SGCZ: variants seen among roughly 807,000 people sequenced by gnomAD.
SGCZ encodes sarcoglycan zeta.
In SGCZ, 40 loss-of-function variants were observed where a neutral mutation model predicts 41.3. That is an observed-to-expected ratio of 0.97 (90% CI 0.75 to 1.26). The LOEUF is 1.26. Ranked by LOEUF, SGCZ falls within the 50% of genes most tolerant of loss-of-function variation. SGCZ has a pLI of 0.00. For missense variants in SGCZ, 552 were observed against 369.8 expected, an observed-to-expected ratio of 1.49 and a Z score of -4.04; for synonymous variants, 206 against 137.5, an observed-to-expected ratio of 1.50 and a Z score of -3.49.
chr8:14,915,435 T>C (rs1470579040), intron 1 of SGCZ, among the ~76,000 whole-genome samples: 1 of 152,114 alleles, frequency 6.6e-6, no homozygotes, highest in Non-Finnish European at 1.5e-5. Flanking sequence ...AATGAGCAGC[T>C]TGTAAAATCA....
chr8:14,911,900 T>C (rs1422938065), intron 1 of SGCZ, among the ~76,000 whole-genome samples: 2 of 151,964 alleles, frequency 1.3e-5, no homozygotes, highest in African/African-American at 4.8e-5. Flanking sequence ...AGTAATATTT[T>C]ATCTCTATAC....
chr8:14,361,239 G>C (rs1438486871), intron 2 of SGCZ, among the ~76,000 whole-genome samples: 1 of 152,166 alleles, frequency 6.6e-6, no homozygotes, highest in East Asian at 1.9e-4. Flanking sequence ...AGCCTTGCTA[G>C]GTTGGTAAAG....
chr8:14,418,873 T>C (rs1279682876), intron 2 of SGCZ, among the ~76,000 whole-genome samples: 1 of 151,964 alleles, frequency 6.6e-6, no homozygotes, highest in African/African-American at 2.4e-5. Flanking sequence ...AACCCCCACA[T>C]TTTATTTTGA....
At position 14,094,409 on chromosome 8, in the gene SGCZ, A is replaced by G. The variant is rs547885824; in HGVS notation, c.745-3772T>C. On this transcript the variant is annotated intron_variant, in intron 7 of 7. Coordinates refer to ENST00000382080, the MANE Select transcript of SGCZ (RefSeq NM_139167.4). ...GTGTTTGGTTTTCTGTTCTTGTGTT[A>G]GTTTGCTGAGAATGATGGTTTCCAG... Among the ~76,000 whole-genome samples, 45 of 151,994 alleles carry G rather than the reference A, an allele frequency of 3.0e-4. 1 individual carries two copies. The highest frequency in any genetic ancestry group is 1.1e-3 in the African/African-American group (44 of 41,472).
At chr8:14,412,144 A>C (rs1799377606) in intron 2 of SGCZ, among the ~76,000 whole-genome samples, 1 of 152,102 alleles carries the variant, frequency 6.6e-6, no homozygotes, top group African/African-American at 2.4e-5. Context: ...TCTAATTGAC[A>C]ATGAGAAATA....
rs143713422 is a variant in SGCZ at position 14,652,217 on chromosome 8, T to G, written c.40-97291A>C. Among the ~76,000 whole-genome samples, 193 of 151,340 alleles carry G rather than the reference T, an allele frequency of 1.3e-3. 2 individuals are homozygous for G. Among genetic ancestry groups the G allele is most frequent in the African/African-American group, 4.5e-3 (184 of 41,216 alleles). Reference sequence around the variant, plus strand: ...TTAGCTGGGCGTGGTGGCGAATGCATGTAATCCCAGCTACTCAGGAGGCTG... The same window carrying G: ...TTAGCTGGGCGTGGTGGCGAATGCAGGTAATCCCAGCTACTCAGGAGGCTG... On this transcript the variant is annotated intron_variant, in intron 1 of 7. Transcript: ENST00000382080.
intron 1 of SGCZ, among the ~76,000 whole-genome samples, chr8:14,719,528 T>C (rs1044433481): frequency 1.3e-5 from 2 of 152,000 alleles, no homozygotes; most frequent in Admixed American, 6.6e-5. Context: ...GTTTCCTGAC[T>C]TTTTAATGAT....
At chr8:14,468,318 C>G (rs946296152) in intron 2 of SGCZ, among the ~76,000 whole-genome samples, 1 of 152,016 alleles carries the variant, frequency 6.6e-6, no homozygotes, top group African/African-American at 2.4e-5. Flanking sequence ...ATGAAAATGA[C>G]TACCCTTATC....
At chr8:14,417,225 C>T (rs1255774269) in intron 2 of SGCZ, among the ~76,000 whole-genome samples, 2 of 151,900 alleles carry the variant, frequency 1.3e-5, no homozygotes, top group African/African-American at 4.8e-5. Flanking sequence ...CGATCTTCAA[C>T]TCAGTTCGTA....
At chr8:14,824,878 A>G (rs564614177) in intron 1 of SGCZ, among the ~76,000 whole-genome samples, 1 of 152,134 alleles carries the variant, frequency 6.6e-6, no homozygotes, top group Admixed American at 6.5e-5. Context: ...TTTGTTTTCA[A>G]CTGTGATTTA....
intron 4 of SGCZ, among the ~76,000 whole-genome samples, chr8:14,234,698 G>A (rs1489378022): frequency 1.3e-5 from 2 of 151,758 alleles, no homozygotes; most frequent in Admixed American, 1.3e-4. Flanking sequence ...AGACAAGGAG[G>A]GTTAGAACAG....
intron 3 of SGCZ, among the ~76,000 whole-genome samples, chr8:14,308,300 G>A (rs1368015281): frequency 5.3e-5 from 8 of 152,040 alleles, no homozygotes; most frequent in Non-Finnish European, 1.2e-4. Context: ...ATAAGTGATA[G>A]GCCTTATTGT....
intron 2 of SGCZ, among the ~76,000 whole-genome samples, chr8:14,455,972 T>C (rs1352530057): frequency 6.6e-6 from 1 of 152,210 alleles, no homozygotes; most frequent in Non-Finnish European, 1.5e-5. Context: ...TGTAGTTACC[T>C]ACAGTTGGAG....
intron 4 of SGCZ, among the ~76,000 whole-genome samples, chr8:14,229,602 C>T (rs1806489804): frequency 6.6e-6 from 1 of 151,626 alleles, no homozygotes; most frequent in African/African-American, 2.4e-5. Context: ...TTACATCAAA[C>T]ATTCATTCTT....
intron 2 of SGCZ, among the ~76,000 whole-genome samples, chr8:14,451,342 C>A (rs1048122651): frequency 7.9e-5 from 12 of 152,136 alleles, no homozygotes; most frequent in South Asian, 2.1e-4. Flanking sequence ...AGTCTGTCAT[C>A]AATCTATTGT....
intron 1 of SGCZ, among the ~76,000 whole-genome samples, chr8:14,988,140 G>T (rs981909561): frequency 6.6e-6 from 1 of 151,606 alleles, no homozygotes; most frequent in Non-Finnish European, 1.5e-5. Context: ...GATATTTAGG[G>T]GATACATCTC....
At chr8:14,259,675 T>G (rs1370712253) in intron 3 of SGCZ, among the ~76,000 whole-genome samples, 2 of 145,096 alleles carry the variant, frequency 1.4e-5, no homozygotes, top group East Asian at 2.0e-4. Flanking sequence ...TCTATATTTC[T>G]GTTTTGGTAC....
At chr8:14,591,184 A>G (rs1805228574) in intron 1 of SGCZ, among the ~76,000 whole-genome samples, 1 of 151,862 alleles carries the variant, frequency 6.6e-6, no homozygotes, top group South Asian at 2.1e-4. Context: ...AAGGATTACA[A>G]TCATTTAACA....
chr8:15,061,667 T>C (rs1193290371), intron 1 of SGCZ, among the ~76,000 whole-genome samples: 1 of 150,494 alleles, frequency 6.6e-6, no homozygotes, highest in Admixed American at 6.6e-5. Flanking sequence ...CATGTGAGGA[T>C]ACCATTTCAC....
Sources: gnomAD v4.1 joint callset for allele counts (sites outside exome capture counted in the v4.1 genomes callset) on GRCh38, gnomAD v4.1.1 for gene constraint, MANE v1.5 for transcripts, NCBI Gene and HGNC (gene_info 2026-07-23, HGNC 2026-07-21) for gene names.